Variants in PTPRD observed in about 807,000 individuals in gnomAD.
PTPRD encodes receptor-type tyrosine-protein phosphatase delta.
In PTPRD, 34 loss-of-function variants were observed where a neutral mutation model predicts 214.5. The ratio of observed to expected loss-of-function variants is 0.16; its 90% confidence interval spans 0.12 to 0.21. The LOEUF (loss-of-function observed/expected upper bound fraction) is 0.21. PTPRD is among the 10% of genes least tolerant of loss of function. The probability of loss-of-function intolerance (pLI) is 1.00; values close to 1 mark genes in which losing one functional copy is unlikely to be tolerated. For synonymous variants in PTPRD, 1,128 were observed against 845.7 expected, an observed-to-expected ratio of 1.33 and a Z score of -5.79; for missense variants, 2,545 against 2,398.7, an observed-to-expected ratio of 1.06 and a Z score of -1.27.
chr9:9,194,482 T>A (rs897635098), intron 9 of PTPRD, among the ~76,000 whole-genome samples: 1 of 152,146 alleles, frequency 6.6e-6, no homozygotes, highest in African/African-American at 2.4e-5. Flanking sequence ...ATGAATAATG[T>A]GTTGTGCTAC....
intron 11 of PTPRD, among the ~76,000 whole-genome samples, chr9:8,874,660 G>A (rs1417054109): frequency 2.0e-5 from 3 of 152,160 alleles, no homozygotes; most frequent in Non-Finnish European, 4.4e-5. Context: ...GGAGTTGAGA[G>A]AACATAATCC....
intron 11 of PTPRD, among the ~76,000 whole-genome samples, chr9:8,792,628 G>A (rs10977301): frequency 0.01 from 1,586 of 152,198 alleles, 25 homozygotes; most frequent in African/African-American, 0.037. Flanking sequence ...TAGCCTTTCC[G>A]TTGTTGTTTA....
intron 9 of PTPRD, among the ~76,000 whole-genome samples, chr9:9,375,092 C>T (rs192403173): frequency 5.2e-4 from 79 of 152,048 alleles, no homozygotes; most frequent in African/African-American, 1.7e-3. Context: ...TGTGTATGTG[C>T]GTGTGTGTGT....
At chr9:8,537,624 T>C (rs940109825) in intron 14 of PTPRD, among the ~76,000 whole-genome samples, 27 of 151,858 alleles carry the variant, frequency 1.8e-4, no homozygotes, top group African/African-American at 6.0e-4. Context: ...GAATAGAAAA[T>C]TGGACATTGT....
chr9:10,065,022 A>T (rs963198315), intron 3 of PTPRD, among the ~76,000 whole-genome samples: 2 of 151,808 alleles, frequency 1.3e-5, no homozygotes, highest in Non-Finnish European at 2.9e-5. Flanking sequence ...GGGAAATCGA[A>T]CTAGGTATAA....
At chr9:8,506,633 C>T (rs1468339990) in intron 22 of PTPRD, among the ~76,000 whole-genome samples, 3 of 152,140 alleles carry the variant, frequency 2.0e-5, no homozygotes, top group African/African-American at 7.2e-5. Context: ...AGGCTAGCTC[C>T]AGTGCTACTA....
At chr9:9,762,171 G>A (rs2098663715) in intron 6 of PTPRD, among the ~76,000 whole-genome samples, 1 of 152,160 alleles carries the variant, frequency 6.6e-6, no homozygotes, top group Non-Finnish European at 1.5e-5. Context: ...TGTGGCAGTA[G>A]CCCTGATAAC....
intron 10 of PTPRD, among the ~76,000 whole-genome samples, chr9:9,058,328 C>T (rs2099700105): frequency 6.6e-6 from 1 of 150,752 alleles, no homozygotes; most frequent in Admixed American, 6.6e-5. Flanking sequence ...ATCTGTTTTG[C>T]TTCTGATTTG....
chr9:9,563,838 C>A (rs1367664907), intron 8 of PTPRD, among the ~76,000 whole-genome samples: 2 of 152,094 alleles, frequency 1.3e-5, no homozygotes, highest in African/African-American at 2.4e-5. Flanking sequence ...TATTGACAAC[C>A]AACATGCTTT....
At chr9:9,259,925 C>T (rs907991959) in intron 9 of PTPRD, among the ~76,000 whole-genome samples, 3 of 151,840 alleles carry the variant, frequency 2.0e-5, no homozygotes, top group Non-Finnish European at 4.4e-5. Flanking sequence ...GGAAAGCCGG[C>T]ATCAACCTTG....
intron 2 of PTPRD, among the ~76,000 whole-genome samples, chr9:10,507,292 A>G (rs1354289768): frequency 2.0e-5 from 3 of 152,132 alleles, no homozygotes; most frequent in Admixed American, 6.5e-5. Context: ...TCAATGAAAT[A>G]AAAGAGGACA....
At chr9:10,350,592 CAG>C (rs764479529) in intron 2 of PTPRD, among the ~76,000 whole-genome samples, 4 of 152,046 alleles carry the variant, frequency 2.6e-5, no homozygotes, top group African/African-American at 4.8e-5. Context: ...GATGATGAAA[CAG>C]AGGTGCCAAA....
intron 14 of PTPRD, among the ~76,000 whole-genome samples, chr9:8,558,276 T>A (rs1174795014): frequency 6.6e-6 from 1 of 152,238 alleles, no homozygotes; most frequent in East Asian, 1.9e-4. Flanking sequence ...CCTCTATATC[T>A]TCTCTCCTTT....
intron 3 of PTPRD, among the ~76,000 whole-genome samples, chr9:10,143,885 C>T (rs1482947291): frequency 1.3e-5 from 2 of 151,998 alleles, no homozygotes; most frequent in African/African-American, 2.4e-5. Flanking sequence ...TGGAAAGAGA[C>T]ACTGGGGGAT....
intron 35 of PTPRD, among the ~76,000 whole-genome samples, chr9:8,417,132 G>A (rs1263409416): frequency 1.3e-5 from 2 of 151,982 alleles, no homozygotes; most frequent in East Asian, 3.9e-4. Context: ...AGTTGTTATT[G>A]CCAAAATTTT....
At chr9:8,822,009 T>G (rs1162606424) in intron 11 of PTPRD, among the ~76,000 whole-genome samples, 2 of 152,194 alleles carry the variant, frequency 1.3e-5, no homozygotes, top group Non-Finnish European at 2.9e-5. Flanking sequence ...TATTCTGTGA[T>G]CATAGACAGT....
chr9:10,361,966 T>A (rs1470724937), intron 2 of PTPRD, among the ~76,000 whole-genome samples: 1 of 152,142 alleles, frequency 6.6e-6, no homozygotes, highest in African/African-American at 2.4e-5. Flanking sequence ...TATGCAAAAA[T>A]GAAGGAAATG....
intron 6 of PTPRD, among the ~76,000 whole-genome samples, chr9:9,761,108 T>C (rs953434957): frequency 2.0e-5 from 3 of 152,226 alleles, no homozygotes; most frequent in South Asian, 2.1e-4. Context: ...CAAATGCTTA[T>C]ACATTAGTGT....
intron 3 of PTPRD, among the ~76,000 whole-genome samples, chr9:10,127,466 A>G (rs2098828443): frequency 6.6e-6 from 1 of 152,184 alleles, no homozygotes; most frequent in African/African-American, 2.4e-5. Flanking sequence ...ACAGACATAT[A>G]ATAAAGAAGA....
Sources: gnomAD v4.1 joint callset for allele counts (sites outside exome capture counted in the v4.1 genomes callset) on GRCh38, gnomAD v4.1.1 for gene constraint, MANE v1.5 for transcripts, NCBI Gene and HGNC (gene_info 2026-07-23, HGNC 2026-07-21) for gene names.